KALRN: variants seen among roughly 807,000 people sequenced by gnomAD.
KALRN encodes the protein kalirin.
Under a neutral mutation model 353.7 loss-of-function variants are expected in KALRN, and 70 were observed. The observed-to-expected ratio is 0.20, with a 90% CI of 0.16 to 0.24. KALRN has a LOEUF of 0.24. Ranked by LOEUF, KALRN falls within the 10% of genes least tolerant of loss-of-function variation. The pLI, the probability that KALRN is intolerant of heterozygous loss-of-function variation, is 1.00. For missense variants in KALRN, 2,791 were observed against 3,756.7 expected, an observed-to-expected ratio of 0.74 and a Z score of 6.72; for synonymous variants, 1,391 against 1,434.8, an observed-to-expected ratio of 0.97 and a Z score of 0.69.
At chr3:124,718,367 C>T (rs1011918440) in intron 59 of KALRN, among the ~76,000 whole-genome samples, 4 of 152,106 alleles carry the variant, frequency 2.6e-5, no homozygotes, top group Admixed American at 6.6e-5. Context: ...GCGATCCACC[C>T]GCCTTGGCCA....
At chr3:124,202,646 G>C (rs2076058360) in intron 1 of KALRN, among the ~76,000 whole-genome samples, 1 of 151,908 alleles carries the variant, frequency 6.6e-6, no homozygotes, top group African/African-American at 2.4e-5. Context: ...CCTTCTGTGG[G>C]GCTCTCTATC....
Position 124,496,416 on chromosome 3 carries a change from A to G in KALRN, c.4935+3A>G. The G allele has an allele frequency of 6.2e-7, 1 of 1,606,194 alleles. No homozygotes were observed. ...AGAACACAGTGGACAGTGACAAGGT[A>G]GGACAGAGTCCTAACCTTCCTTCCC... On this transcript the variant is annotated splice_donor_region_variant and intron_variant, in intron 33 of 59. Coordinates refer to ENST00000682506, the MANE Select transcript of KALRN (RefSeq NM_001388419.1).
Position 124,720,812 on chromosome 3 carries a change from T to A in KALRN, c.*1342T>A, listed in dbSNP as rs886677166. 2 of 152,248 alleles carry A rather than the reference T, an allele frequency of 1.3e-5. No homozygotes were observed. The highest frequency in any genetic ancestry group is 4.8e-5 in the African/African-American group (2 of 41,468). The allele number at this position is 152,248 out of a possible 1,614,324, so 9.4% of individuals were successfully genotyped here. ...AAAAAAATTAAACCTGGGCATTTCA[T>A]GGGTTTTCTTTCTTTATTTTTGTTC... On this transcript the variant is annotated 3_prime_UTR_variant, in exon 60 of 60. Transcript: ENST00000682506.
chr3:124,317,883 C>T (rs1031377106), intron 6 of KALRN, among the ~76,000 whole-genome samples: 4 of 152,072 alleles, frequency 2.6e-5, no homozygotes, highest in African/African-American at 9.7e-5. Flanking sequence ...TAATCACTTG[C>T]CTCACTAGGT....
At chr3:124,566,808 C>G (rs2072902141) in intron 34 of KALRN, among the ~76,000 whole-genome samples, 1 of 152,182 alleles carries the variant, frequency 6.6e-6, no homozygotes, top group Admixed American at 6.5e-5. Context: ...AAATGTTCCT[C>G]TGGGGGTTGT....
intron 49 of KALRN, chr3:124,677,621 G>T (rs539459298): frequency 1.1e-5 from 5 of 456,514 alleles, no homozygotes; most frequent in Non-Finnish European, 2.2e-5. Flanking sequence ...AATGAGTGGT[G>T]CTCAACTGTT....
chr3:124,573,249 C>A (rs2073745629), intron 34 of KALRN, among the ~76,000 whole-genome samples: 1 of 152,150 alleles, frequency 6.6e-6, no homozygotes, highest in Admixed American at 6.5e-5. Flanking sequence ...GGCAATGGAG[C>A]AAGACTCCAT....
chr3:124,651,229 G>A (rs1201798410), intron 38 of KALRN, among the ~76,000 whole-genome samples: 1 of 152,216 alleles, frequency 6.6e-6, no homozygotes, highest in Non-Finnish European at 1.5e-5. Context: ...AAATGGCAAA[G>A]TTGAGGAAAC....
intron 6 of KALRN, among the ~76,000 whole-genome samples, chr3:124,325,673 G>A (rs962422068): frequency 3.3e-5 from 5 of 152,136 alleles, no homozygotes; most frequent in Admixed American, 2.6e-4. Context: ...CCCTGGGAAT[G>A]ACTTCATAAG....
intron 45 of KALRN, 100 bp downstream of exon 45, chr3:124,662,028 C>A: frequency 3.3e-6 from 3 of 914,748 alleles, no homozygotes; most frequent in Admixed American, 3.4e-5. Context: ...CCTGCCTGTG[C>A]CTCCTTCACT....
intron 1 of KALRN, among the ~76,000 whole-genome samples, chr3:124,215,116 A>G (rs2077208066): frequency 6.6e-6 from 1 of 152,154 alleles, no homozygotes; most frequent in South Asian, 2.1e-4. Flanking sequence ...GCTGGCAGCT[A>G]TGGTCATGGA....
intron 37 of KALRN, among the ~76,000 whole-genome samples, chr3:124,639,152 T>G (rs1184852059): frequency 6.6e-6 from 1 of 152,184 alleles, no homozygotes. Context: ...CTCCAAGTTT[T>G]TGTTCATATG....
chr3:124,637,468 T>C (rs371304263), intron 37 of KALRN, among the ~76,000 whole-genome samples, 165 bp downstream of exon 37: 10 of 152,304 alleles, frequency 6.6e-5, no homozygotes, highest in African/African-American at 2.2e-4. Context: ...CTTTTTGACT[T>C]TGTTTGGGAA....
chr3:124,157,188 C>T (rs1364880227), intron 1 of KALRN, among the ~76,000 whole-genome samples: 2 of 152,186 alleles, frequency 1.3e-5, no homozygotes, highest in African/African-American at 4.8e-5. Flanking sequence ...TGGAAGACAA[C>T]TAAGGACTGT....
chr3:124,386,483 AG>A (rs2088344180), intron 11 of KALRN, among the ~76,000 whole-genome samples: 1 of 152,088 alleles, frequency 6.6e-6, no homozygotes, highest in African/African-American at 2.4e-5. Context: ...CATGGCTTCC[AG>A]GAATTCCTCT....
chr3:124,682,211 GTGAGCAGGCCACCTC>G, intron 51 of KALRN, among the ~76,000 whole-genome samples: 1 of 152,122 alleles, frequency 6.6e-6, no homozygotes, highest in Non-Finnish European at 1.5e-5. Flanking sequence ...TGAAATATAG[GTGAGCAGGCCACCTC>G]TTGAAGGCCT....
intron 33 of KALRN, among the ~76,000 whole-genome samples, chr3:124,541,824 G>A (rs532384223): frequency 6.6e-6 from 1 of 152,202 alleles, no homozygotes; most frequent in African/African-American, 2.4e-5. Flanking sequence ...CCCAGGAGGT[G>A]GGAGTTGCAG....
intron 13 of KALRN, 77 bp downstream of exon 13, chr3:124,398,948 G>C: frequency 2.1e-6 from 3 of 1,437,904 alleles, no homozygotes; most frequent in Non-Finnish European, 2.8e-6. Flanking sequence ...CCAGGGGCAG[G>C]GCAGTAGCCT....
At chr3:124,609,287 A>G (rs1307066338) in intron 34 of KALRN, among the ~76,000 whole-genome samples, 1 of 151,696 alleles carries the variant, frequency 6.6e-6, no homozygotes, top group African/African-American at 2.4e-5. Context: ...AAGTGTTTTT[A>G]TCTGTTGAGG....
Sources: gnomAD v4.1 joint callset for allele counts (sites outside exome capture counted in the v4.1 genomes callset) on GRCh38, gnomAD v4.1.1 for gene constraint, MANE v1.5 for transcripts, NCBI Gene and HGNC (gene_info 2026-07-23, HGNC 2026-07-21) for gene names.